The following PCDHGA4 variants were observed in gnomAD, a reference collection of about 807,000 sequenced individuals.
PCDHGA4 encodes the protein protocadherin gamma-A4.
Under a neutral mutation model 54.6 loss-of-function variants are expected in PCDHGA4, and 38 were observed. That is an observed-to-expected ratio of 0.70 (90% confidence interval 0.54 to 0.91). The LOEUF (loss-of-function observed/expected upper bound fraction) is 0.91, where lower values mean the gene tolerates loss of function less well. Among genes scored for constraint, PCDHGA4 ranks in the 40% least tolerant of loss-of-function variants. The pLI is 0.00. For missense variants in PCDHGA4, 1,298 were observed against 1,220.9 expected (o/e 1.06, Z -0.94); for synonymous variants, 511 against 512.9 (o/e 1.00, Z 0.05).
intron 1 of PCDHGA4, among the ~76,000 whole-genome samples, chr5:141,363,018 G>T (rs1022427881): frequency 6.6e-6 from 1 of 152,216 alleles, no homozygotes; most frequent in Non-Finnish European, 1.5e-5. Context: ...GGCATGGGTA[G>T]GACATTGTCC....
chr5:141,403,850 G>A lies in PCDHGA4; in HGVS notation c.2514+46229G>A, dbSNP rs368454282. The A allele has an allele frequency of 1.4e-5, 23 of 1,613,634 alleles. No individual in the cohort carries two copies. In the African/African-American group the frequency reaches 3.1e-4, roughly 22 times the overall value. On this transcript the variant is annotated intron_variant, in intron 1 of 3. Coordinates refer to ENST00000571252, the MANE Select transcript of PCDHGA4 (RefSeq NM_018917.4). Reference sequence around the variant, plus strand: ...ATTCCAGCTTAATGAAAATACTGGGGAAATATCAACAGCAAAAAGTCTAGA... The same window carrying A: ...ATTCCAGCTTAATGAAAATACTGGGAAAATATCAACAGCAAAAAGTCTAGA...
At chr5:141,390,339 C>A in intron 1 of PCDHGA4, 2 of 1,591,234 alleles carry the variant, frequency 1.3e-6, no homozygotes, top group Non-Finnish European at 1.7e-6. Flanking sequence ...TCCATATTCA[C>A]AAGAAAATAT....
At chr5:141,388,706 TGCC>T (rs2091460898) in intron 1 of PCDHGA4, 2 of 1,613,856 alleles carry the variant, frequency 1.2e-6, no homozygotes, top group Non-Finnish European at 1.7e-6. Flanking sequence ...AGGGTGTCAA[TGCC>T]GAGATTACTT....
chr5:141,410,462 CTG>C (rs1258642453), intron 1 of PCDHGA4: 1 of 1,613,924 alleles, frequency 6.2e-7, no homozygotes, highest in East Asian at 2.2e-5. Context: ...TTCTTATAAT[CTG>C]TGCATTGCAC....
intron 1 of PCDHGA4, chr5:141,372,225 G>A (rs1326941167): frequency 6.8e-6 from 11 of 1,613,368 alleles, no homozygotes; most frequent in Non-Finnish European, 9.3e-6. Context: ...CATTGTGCAG[G>A]CCAGCGAGCC....
At chr5:141,408,220 G>C (rs2095061412) in intron 1 of PCDHGA4, 1 of 1,558,876 alleles carries the variant, frequency 6.4e-7, no homozygotes, top group Non-Finnish European at 8.7e-7. Flanking sequence ...GGAGCTGCGC[G>C]CAGAGGCGCC....
intron 1 of PCDHGA4, chr5:141,417,860 A>G (rs1168739756): frequency 7.7e-6 from 12 of 1,549,390 alleles, no homozygotes; most frequent in African/African-American, 1.4e-5. Flanking sequence ...CGAGCGAACG[A>G]TGGGAGGGAG....
chr5:141,405,612 C>T, intron 1 of PCDHGA4: 1 of 557,514 alleles, frequency 1.8e-6, no homozygotes, highest in Non-Finnish European at 3.2e-6. Flanking sequence ...ATAACTGGGA[C>T]TACAGGCACG....
At chr5:141,375,585 T>C (rs765334095) in intron 1 of PCDHGA4, 7 of 1,614,014 alleles carry the variant, frequency 4.3e-6, no homozygotes, top group African/African-American at 1.3e-5. Context: ...GGGGCGCCCC[T>C]GTCCTCCTAC....
intron 1 of PCDHGA4, chr5:141,360,970 T>C: frequency 6.2e-7 from 1 of 1,613,884 alleles, no homozygotes; most frequent in Non-Finnish European, 8.5e-7. Flanking sequence ...AGAGATCACC[T>C]ACTCCTTTCA....
rs776440788 is a variant in PCDHGA4, at chr5:141,357,631, T to C, written c.2514+10T>C. ...AGACCCTAATCTTCAGGTGAGTCAA[T>C]CTTATAATAGATCATACCACACTGA... On this transcript the variant is annotated intron_variant, in intron 1 of 3. Transcript: ENST00000571252. 6.8e-6 allele frequency: 11 copies of C among 1,613,284 alleles called. No individual in the cohort carries two copies. The Admixed American group carries it at 1.8e-4, about 27-fold the overall frequency.
At chr5:141,373,976 G>A in intron 1 of PCDHGA4, 3 of 1,066,504 alleles carry the variant, frequency 2.8e-6, no homozygotes, top group South Asian at 2.6e-5. Context: ...CTTCGCATCC[G>A]GTCTCTGCTT....
At chr5:141,375,830 G>C in intron 1 of PCDHGA4, 1 of 1,614,152 alleles carries the variant, frequency 6.2e-7, no homozygotes, top group South Asian at 1.1e-5. Context: ...CCGCTCCGCA[G>C]AGCCCGGCTA....
At position 141,408,464 on chromosome 5, in the gene PCDHGA4, A is replaced by G. The variant is rs764186219; in HGVS notation, c.2514+50843A>G. ...GGAGAGCGGGGACTTACTTGTGAAG[A>G]ACCGAATAGACCGTGAGCAAATATG... On this transcript the variant is annotated intron_variant, in intron 1 of 3. Coordinates refer to ENST00000571252, the MANE Select transcript of PCDHGA4 (RefSeq NM_018917.4). The G allele has an allele frequency of 3.8e-5, 61 of 1,613,880 alleles. No homozygotes were observed. Among genetic ancestry groups the G allele is most frequent in the South Asian group, 1.4e-4 (13 of 91,024 alleles).
intron 1 of PCDHGA4, chr5:141,404,086 G>A: frequency 6.2e-7 from 1 of 1,613,630 alleles, no homozygotes; most frequent in Non-Finnish European, 8.5e-7. Flanking sequence ...ACTCCGGGAA[G>A]AATGGTCAAG....
At chr5:141,425,363 A>C (rs2096870488) in intron 1 of PCDHGA4, among the ~76,000 whole-genome samples, 1 of 152,212 alleles carries the variant, frequency 6.6e-6, no homozygotes, top group Non-Finnish European at 1.5e-5. Context: ...TGATATTAAG[A>C]GGGTTATGTT....
Position 141,422,537 on chromosome 5 carries a change from C to T in PCDHGA4, c.2514+64916C>T, listed in dbSNP as rs993210917. 2.5e-6 allele frequency: 4 copies of T among 1,613,874 alleles called. No individual in the cohort carries two copies. Among genetic ancestry groups the T allele is most frequent in the Non-Finnish European group, 3.4e-6 (4 of 1,179,894 alleles). ...GGAAGCCCGCCTTTGTCTGCAGAAA[C>T]TCATGTCTGGCTGAATGTGGCAGAT... is the stretch of plus-strand genomic sequence containing the variant. On this transcript the variant is annotated intron_variant, in intron 1 of 3. Coordinates refer to ENST00000571252, the MANE Select transcript of PCDHGA4 (RefSeq NM_018917.4).
chr5:141,409,415 G>C, intron 1 of PCDHGA4: 1 of 1,614,008 alleles, frequency 6.2e-7, no homozygotes. Context: ...CTACAAACTG[G>C]TGACAGATGG....
In PCDHGA4 at chr5:141,431,937, A is replaced by T; in HGVS notation, c.2515-62870A>T. On this transcript the variant is annotated intron_variant, in intron 1 of 3. Coordinates refer to ENST00000571252, the MANE Select transcript of PCDHGA4 (RefSeq NM_018917.4). The surrounding 1 kb of genome is among the most constrained non-coding windows in gnomAD (Gnocchi z 4.8). ...TTCATCCAAGGAAATCTGCCCTTTAAATTAGAAAAATCTTACGGAAATTAC... is the reference window on the plus strand; with the variant it reads ...TTCATCCAAGGAAATCTGCCCTTTATATTAGAAAAATCTTACGGAAATTAC... The T allele has an allele frequency of 6.2e-7, 1 of 1,614,144 alleles. No individual in the cohort carries two copies. The highest frequency in any genetic ancestry group is 8.5e-7 in the Non-Finnish European group (1 of 1,180,014).
Sources: allele counts gnomAD v4.1 joint callset (sites outside exome capture counted in the v4.1 genomes callset), GRCh38; gene constraint gnomAD v4.1.1; non-coding constraint Gnocchi (gnomAD v3.1); transcripts MANE v1.5; gene names NCBI Gene and HGNC (gene_info 2026-07-23, HGNC 2026-07-21).